Variants in NEO1 observed in about 807,000 individuals in gnomAD.
The protein encoded by NEO1 is neogenin.
A neutral mutation model predicts 159.7 loss-of-function variants in NEO1; 63 were observed. The ratio of observed to expected loss-of-function variants is 0.39; its 90% CI spans 0.32 to 0.49. The LOEUF (loss-of-function observed/expected upper bound fraction) is 0.49, where lower values mean the gene tolerates loss of function less well. Among genes scored for constraint, NEO1 ranks in the 20% least tolerant of loss-of-function variants. NEO1 has a pLI of 0.85. For missense variants in NEO1, 1,615 were observed against 1,831.0 expected (o/e 0.88, Z 2.15); for synonymous variants, 633 against 662.0 (o/e 0.96, Z 0.67).
intron 5 of NEO1, among the ~76,000 whole-genome samples, chr15:73,168,464 G>A (rs531547938): frequency 1.3e-5 from 2 of 151,706 alleles, no homozygotes; most frequent in African/African-American, 4.8e-5. Flanking sequence ...CTCCCAAAGT[G>A]CTAGGATTAC....
intron 7 of NEO1, among the ~76,000 whole-genome samples, chr15:73,204,882 G>T (rs768860858): frequency 7.2e-5 from 11 of 152,234 alleles, no homozygotes; most frequent in Middle Eastern, 6.8e-3. Context: ...GGCCTTTAGT[G>T]TGAGGATTTA....
At chr15:73,222,626 T>G (rs1276725390) in intron 7 of NEO1, among the ~76,000 whole-genome samples, 2 of 152,194 alleles carry the variant, frequency 1.3e-5, no homozygotes, top group Non-Finnish European at 2.9e-5. Context: ...CTTAATGAGA[T>G]TTTTTGGATT....
intron 1 of NEO1, among the ~76,000 whole-genome samples, chr15:73,094,248 C>T (rs2069871442): frequency 6.6e-6 from 1 of 152,138 alleles, no homozygotes; most frequent in African/African-American, 2.4e-5. Flanking sequence ...TTCTCATGTT[C>T]CCCGGTCCTA....
At chr15:73,254,349 A>G (rs1269020632) in intron 12 of NEO1, among the ~76,000 whole-genome samples, 1 of 152,148 alleles carries the variant, frequency 6.6e-6, no homozygotes, top group African/African-American at 2.4e-5. Context: ...AATAATAGTT[A>G]GTTCCCTAAT....
intron 15 of NEO1, among the ~76,000 whole-genome samples, chr15:73,263,765 C>CA (rs112237153): frequency 1.4e-4 from 21 of 150,486 alleles, no homozygotes; most frequent in Admixed American, 8.6e-4. Flanking sequence ...TTTAAATATT[C>CA]AAAAAAAAAG....
chr15:73,130,120 T>C (rs2030890923), intron 4 of NEO1, among the ~76,000 whole-genome samples: 2 of 152,156 alleles, frequency 1.3e-5, no homozygotes, highest in South Asian at 4.1e-4. Context: ...ATTATAGGCA[T>C]GTGTCACCAC....
intron 7 of NEO1, among the ~76,000 whole-genome samples, chr15:73,229,398 C>T (rs766993582): frequency 1.7e-4 from 25 of 148,900 alleles, no homozygotes; most frequent in Non-Finnish European, 3.1e-4. Flanking sequence ...TATAGAACTA[C>T]AGTTGGTTTT....
At chr15:73,209,779 G>A (rs575082147) in intron 7 of NEO1, among the ~76,000 whole-genome samples, 1 of 152,168 alleles carries the variant, frequency 6.6e-6, no homozygotes, top group South Asian at 2.1e-4. Context: ...ATCATCTGAG[G>A]TCAGGAGTTC....
intron 21 of NEO1, 148 bp from the exon 22 acceptor site, chr15:73,277,983 G>A (rs1442114090): frequency 1.1e-5 from 7 of 618,878 alleles, no homozygotes; most frequent in Non-Finnish European, 1.9e-5. Context: ...ATAGACTATA[G>A]ATTCCCATGA....
intron 5 of NEO1, among the ~76,000 whole-genome samples, chr15:73,149,764 CAT>C (rs946266114): frequency 4.8e-4 from 73 of 152,140 alleles, no homozygotes; most frequent in African/African-American, 1.7e-3. Flanking sequence ...TTGTGGGATA[CAT>C]GTGATATTTT....
intron 7 of NEO1, among the ~76,000 whole-genome samples, chr15:73,206,114 C>T (rs2037208034): frequency 6.6e-6 from 1 of 151,972 alleles, no homozygotes; most frequent in African/African-American, 2.4e-5. Flanking sequence ...ACCATGTTGC[C>T]CAGGGTGGTC....
intron 3 of NEO1, among the ~76,000 whole-genome samples, chr15:73,124,460 ATAATCT>A (rs1211171826): frequency 1.3e-5 from 2 of 152,172 alleles, no homozygotes; most frequent in Non-Finnish European, 2.9e-5. Flanking sequence ...GTAAAGATTT[ATAATCT>A]TAATACCACT....
At position 73,241,649 on chromosome 15, in the gene NEO1, T is replaced by A. The variant is rs138374533; in HGVS notation, c.1452-2695T>A. ...TTTCTTTCTATAAAGTGTGCCCTTT[T>A]CTTTCCCTTTTGATTCTTAGCTTTC... On this transcript the variant is annotated intron_variant, in intron 8 of 28. Coordinates refer to ENST00000261908, the MANE Select transcript of NEO1 (RefSeq NM_002499.4). 3.0e-3 allele frequency among the ~76,000 whole-genome samples: 450 copies of A among 152,326 alleles called. 5 individuals carry two copies. Among genetic ancestry groups the A allele is most frequent in the African/African-American group, 0.01 (433 of 41,566 alleles).
At chr15:73,087,894 A>G (rs775820582) in intron 1 of NEO1, among the ~76,000 whole-genome samples, 1 of 152,062 alleles carries the variant, frequency 6.6e-6, no homozygotes. Flanking sequence ...TGTTGTATGG[A>G]TATGCCATAA....
chr15:73,142,832 A>T (rs968930493), intron 5 of NEO1, among the ~76,000 whole-genome samples: 4 of 152,260 alleles, frequency 2.6e-5, no homozygotes, highest in Non-Finnish European at 4.4e-5. Flanking sequence ...AAAAAAATTT[A>T]AAATAAAGAT....
intron 7 of NEO1, among the ~76,000 whole-genome samples, chr15:73,181,113 G>A (rs375437716): frequency 6.6e-6 from 1 of 152,118 alleles, no homozygotes; most frequent in East Asian, 1.9e-4. Flanking sequence ...CTTTGTAATA[G>A]GCCTTGAATT....
chr15:73,157,964 C>G (rs2033898678), intron 5 of NEO1, among the ~76,000 whole-genome samples: 1 of 152,020 alleles, frequency 6.6e-6, no homozygotes, highest in Non-Finnish European at 1.5e-5. Flanking sequence ...ATCTGTAATC[C>G]CAGCATTCTG....
In NEO1 at chr15:73,176,391, T is replaced by A. The variant is rs954363270; in HGVS notation, c.1016-12T>A. 1.3e-6 allele frequency: 2 copies of A among 1,515,850 alleles called. No homozygotes were observed. The highest frequency in any genetic ancestry group is 1.4e-5 in the African/African-American group (1 of 71,758). The allele number at this position is 1,515,850 out of a possible 1,614,324, so 93.9% of individuals were successfully genotyped here. On this transcript the variant is annotated splice_polypyrimidine_tract_variant and intron_variant, in intron 5 of 28. Coordinates refer to ENST00000261908, the MANE Select transcript of NEO1 (RefSeq NM_002499.4). Reference sequence around the variant, plus strand: ...TTTTCATTAATGTCTTAATTTCCTTTTTATTTTAAAGCTCAACCTGAATTC... The same window carrying A: ...TTTTCATTAATGTCTTAATTTCCTTATTATTTTAAAGCTCAACCTGAATTC...
chr15:73,252,455 A>G (rs1396721481), intron 11 of NEO1, among the ~76,000 whole-genome samples: 1 of 152,084 alleles, frequency 6.6e-6, no homozygotes, highest in Non-Finnish European at 1.5e-5. Context: ...CTAAATGAGT[A>G]TTTTCTGGTA....
Sources: gnomAD v4.1 joint callset for allele counts (sites outside exome capture counted in the v4.1 genomes callset) on GRCh38, gnomAD v4.1.1 for gene constraint, MANE v1.5 for transcripts, NCBI Gene and HGNC (gene_info 2026-07-23, HGNC 2026-07-21) for gene names.